KIF26B: variants seen among roughly 807,000 people sequenced by gnomAD.
KIF26B encodes kinesin-like protein KIF26B.
A neutral mutation model predicts 151.2 loss-of-function variants in KIF26B; 63 were observed. The observed-to-expected ratio is 0.42, with a 90% CI of 0.34 to 0.51. KIF26B has a LOEUF of 0.51. KIF26B is among the 20% of genes least tolerant of loss of function. The probability of loss-of-function intolerance (pLI) is 0.07; values close to 1 mark genes in which losing one functional copy is unlikely to be tolerated. For synonymous variants in KIF26B, 1,357 were observed against 1,262.1 expected, an observed-to-expected ratio of 1.08 and a Z score of -1.59; for missense variants, 2,813 against 2,913.6, an observed-to-expected ratio of 0.97 and a Z score of 0.79.
At chr1:245,497,308 G>A (rs530171544) in intron 4 of KIF26B, among the ~76,000 whole-genome samples, 9 of 152,276 alleles carry the variant, frequency 5.9e-5, no homozygotes, top group Admixed American at 2.0e-4. Context: ...TCAGTTAGGA[G>A]AGAAGATCTG....
At chr1:245,680,427 A>G (rs1006747801) in intron 10 of KIF26B, among the ~76,000 whole-genome samples, 5 of 152,204 alleles carry the variant, frequency 3.3e-5, no homozygotes, top group African/African-American at 4.8e-5. Context: ...GTAGACTTAA[A>G]AAAATCGCCG....
At chr1:245,651,875 G>A (rs530967483) in intron 10 of KIF26B, among the ~76,000 whole-genome samples, 101 of 152,274 alleles carry the variant, frequency 6.6e-4, no homozygotes, top group African/African-American at 2.4e-3. Context: ...TGTCTTCCAC[G>A]AAACCTGTCC....
At chr1:245,243,542 C>T (rs908081965) in intron 2 of KIF26B, among the ~76,000 whole-genome samples, 1 of 152,022 alleles carries the variant, frequency 6.6e-6, no homozygotes, top group African/African-American at 2.4e-5. Context: ...TCCTCCCAGT[C>T]TGTGGTTGGT....
intron 2 of KIF26B, among the ~76,000 whole-genome samples, chr1:245,315,316 G>A (rs1671746248): frequency 1.3e-5 from 2 of 152,100 alleles, no homozygotes; most frequent in Admixed American, 1.3e-4. Context: ...GCACAAAAAT[G>A]TGAATGTACC....
Position 245,686,562 on chromosome 1 carries a change from G to A in KIF26B, c.3579G>A (p.Val1193=), listed in dbSNP as rs545591456. 1 of 1,613,034 alleles carries A rather than the reference G, an allele frequency of 6.2e-7. No homozygotes were observed. Among genetic ancestry groups the A allele is most frequent in the South Asian group, 1.1e-5 (1 of 91,070 alleles). The change falls in exon 12 of 15, where the codon GTG becomes GTA. Residue 1193 remains valine (V), a synonymous_variant. Coordinates refer to ENST00000407071, the MANE Select transcript of KIF26B (RefSeq NM_018012.4). The surrounding 1 kb of genome is among the most constrained non-coding windows in gnomAD (Gnocchi z 5.6). ...AGGACGAGCTGGTGTTCACGCTGGTGGAGGAGCTGACCATCAGCGGGGTCC... is the reference window on the plus strand; with the variant it reads ...AGGACGAGCTGGTGTTCACGCTGGTAGAGGAGCTGACCATCAGCGGGGTCC... ...NGEDELVFTL[V]EELTISGVLD...
Position 245,686,346 on chromosome 1 carries a change from G to C in KIF26B, c.3363G>C (p.Gln1121His). ...TGGCGTCTAGGGAGTCCTTGCTGCA[G>C]CCCGAGGTGCGTACGCCCCCGGTTG... The part of the protein sequence containing the change: ...SGVASRESLL[Q>H]PEVRTPPVGM... The change falls in exon 12 of 15, where the codon CAG becomes CAC. Residue 1121 changes from glutamine to histidine, a missense_variant. Around this residue, in one of 3 missense-constraint regions of KIF26B, gnomAD observed 2,060 missense variants for 2,088.6 expected, o/e 0.99. Transcript: ENST00000407071. This position sits in a 1 kb window ranked among gnomAD's most constrained non-coding sequence, Gnocchi z 5.6. 6.2e-7 allele frequency: 1 copy of C among 1,613,358 alleles called. No individual in the cohort carries two copies. Among genetic ancestry groups the C allele is most frequent in the Non-Finnish European group, 8.5e-7 (1 of 1,179,880 alleles).
intron 2 of KIF26B, among the ~76,000 whole-genome samples, chr1:245,321,314 G>A (rs1287557597): frequency 6.6e-6 from 1 of 152,192 alleles, no homozygotes; most frequent in Admixed American, 6.5e-5. Flanking sequence ...CAATAACAAC[G>A]AACATTCACT....
intron 5 of KIF26B, among the ~76,000 whole-genome samples, chr1:245,600,800 T>C (rs1009560440): frequency 3.9e-5 from 6 of 152,090 alleles, no homozygotes; most frequent in African/African-American, 1.4e-4. Context: ...TTCACTGAGT[T>C]TGCACAGCCG....
At chr1:245,390,943 A>AAAAAAAAAAAAAAAAAAACAAAAAAAAAC (rs1553270131) in intron 3 of KIF26B, among the ~76,000 whole-genome samples, 1 of 118,410 alleles carries the variant, frequency 8.4e-6, no homozygotes, top group East Asian at 2.9e-4. Flanking sequence ...AAAAAAAAAA[A>AAAAAAAAAAAAAAAAAAACAAAAAAAAAC]AAAAAAAAAC....
chr1:245,155,797 C>T (rs982954935), intron 1 of KIF26B, among the ~76,000 whole-genome samples: 2 of 152,238 alleles, frequency 1.3e-5, no homozygotes, highest in Non-Finnish European at 2.9e-5. Context: ...CTGGGCAGTA[C>T]CTCGGATCGT....
At position 245,166,936 on chromosome 1, in the gene KIF26B, G is replaced by A. The variant is rs1233853082; in HGVS notation, c.465+10253G>A. Among the ~76,000 whole-genome samples the A allele has an allele frequency of 1.3e-5, 2 of 152,210 alleles. No homozygotes were observed. ...GAACGTTGCTATAGAGGTTAGCAAA[G>A]CAGAAGGCTCTGAGGGTAGAGTAAG... is the stretch of plus-strand genomic sequence containing the variant. On this transcript the variant is annotated intron_variant, in intron 2 of 14. Transcript: ENST00000407071. The surrounding 1 kb of genome is among the most constrained non-coding windows in gnomAD (Gnocchi z 4.5).
At chr1:245,385,780 A>G (rs1273493612) in intron 3 of KIF26B, among the ~76,000 whole-genome samples, 2 of 152,232 alleles carry the variant, frequency 1.3e-5, no homozygotes, top group Non-Finnish European at 2.9e-5. Context: ...TGCTTCTCCA[A>G]CAGATGGAGA....
chr1:245,272,971 T>C (rs1259550877), intron 2 of KIF26B, among the ~76,000 whole-genome samples: 4 of 152,234 alleles, frequency 2.6e-5, no homozygotes, highest in Non-Finnish European at 2.9e-5. Flanking sequence ...CTGTGTGTAC[T>C]TGAAACGAAT....
intron 10 of KIF26B, among the ~76,000 whole-genome samples, chr1:245,661,537 AC>A (rs1296872910): frequency 6.6e-6 from 1 of 151,394 alleles, no homozygotes; most frequent in East Asian, 1.9e-4. Context: ...ATACACACAT[AC>A]CCAATATGTA....
intron 2 of KIF26B, among the ~76,000 whole-genome samples, chr1:245,169,999 T>G (rs1226313868): frequency 6.6e-6 from 1 of 152,168 alleles, no homozygotes; most frequent in Non-Finnish European, 1.5e-5. Flanking sequence ...GTTCACTTTG[T>G]TTTTTGTTTG....
At chr1:245,210,172 C>T (rs1418032636) in intron 2 of KIF26B, among the ~76,000 whole-genome samples, 2 of 152,224 alleles carry the variant, frequency 1.3e-5, no homozygotes, top group Non-Finnish European at 2.9e-5. Context: ...GACTCTCTCC[C>T]AGTCAGCCCA....
intron 5 of KIF26B, among the ~76,000 whole-genome samples, chr1:245,576,700 T>C (rs1016597195): frequency 7.2e-5 from 11 of 152,216 alleles, no homozygotes; most frequent in African/African-American, 2.7e-4. Context: ...GGGTTCTTTA[T>C]TGCAGCTCCT....
At chr1:245,575,510 A>G (rs1430950208) in intron 5 of KIF26B, among the ~76,000 whole-genome samples, 1 of 151,922 alleles carries the variant, frequency 6.6e-6, no homozygotes, top group East Asian at 1.9e-4. Context: ...ACAATCATCT[A>G]TTCATGGCTA....
At chr1:245,341,939 C>T (rs746563065) in intron 2 of KIF26B, among the ~76,000 whole-genome samples, 1 of 152,184 alleles carries the variant, frequency 6.6e-6, no homozygotes, top group Admixed American at 6.5e-5. Flanking sequence ...GTTAGCATGA[C>T]ATTGTATCAC....
Sources: gnomAD v4.1 joint callset for allele counts (sites outside exome capture counted in the v4.1 genomes callset) on GRCh38, gnomAD v4.1.1 for gene constraint, gnomAD v4.1.1 regional missense constraint, Gnocchi (gnomAD v3.1) non-coding constraint, MANE v1.5 for transcripts, NCBI Gene and HGNC (gene_info 2026-07-23, HGNC 2026-07-21) for gene names.